SCAMP4: variants seen among roughly 807,000 people sequenced by gnomAD.
SCAMP4 encodes the protein secretory carrier membrane protein 4.
In SCAMP4, 19 loss-of-function variants were observed where a neutral mutation model predicts 32.1. The ratio of observed to expected loss-of-function variants is 0.59; its 90% CI spans 0.41 to 0.87. The LOEUF (loss-of-function observed/expected upper bound fraction) is 0.87. Among genes scored for constraint, SCAMP4 ranks in the 40% least tolerant of loss-of-function variants. The pLI, the probability that SCAMP4 is intolerant of heterozygous loss-of-function variation, is 0.00. For synonymous variants in SCAMP4, 152 were observed against 132.7 expected (o/e 1.15, Z -1.00); for missense variants, 302 against 309.0 (o/e 0.98, Z 0.17).
chr19:1,917,398 C>G (rs1270111565), intron 2 of SCAMP4, among the ~76,000 whole-genome samples: 1 of 152,230 alleles, frequency 6.6e-6, no homozygotes, highest in Non-Finnish European at 1.5e-5. Context: ...AGCTGTAGGC[C>G]GGTTCCCGCC....
intron 5 of SCAMP4, 127 bp from the exon 6 acceptor site, chr19:1,922,943 C>T (rs2013966107): frequency 7.4e-7 from 1 of 1,352,114 alleles, no homozygotes; most frequent in South Asian, 1.9e-5. Flanking sequence ...ACTTGGTCGT[C>T]CTTGTATGAG....
intron 1 of SCAMP4, among the ~76,000 whole-genome samples, chr19:1,909,478 C>T (rs1268053943): frequency 6.6e-6 from 1 of 152,138 alleles, no homozygotes; most frequent in African/African-American, 2.4e-5. Context: ...ATGGTAATGG[C>T]TCTACTATCT....
chr19:1,907,698 C>T (rs116437258), intron 1 of SCAMP4, among the ~76,000 whole-genome samples: 1,586 of 152,232 alleles, frequency 0.01, 36 homozygotes, highest in African/African-American at 0.036. Context: ...CCCAGGCTGG[C>T]GGCCGTGTTC....
chr19:1,920,712 C>T (rs2013891994), intron 5 of SCAMP4: 42 of 985,412 alleles, frequency 4.3e-5, no homozygotes, highest in Non-Finnish European at 5.1e-5. Context: ...TCCCAGCTGC[C>T]AGCTCGGCTC....
rs756570691 is a variant in SCAMP4 at position 1,924,405 on chromosome 19, G to T, written c.*121G>T. On this transcript the variant is annotated 3_prime_UTR_variant, in exon 7 of 7. Transcript: ENST00000316097. ...CCCCCCAGCTGGGATGGTGGAAGCC[G>T]GTGGTGGCCACGGACCGCCCCCCTC... The T allele has an allele frequency of 1.6e-4, 141 of 868,476 alleles. No individual in the cohort carries two copies. The highest frequency in any genetic ancestry group is 2.2e-4 in the Non-Finnish European group (124 of 565,204). 53.8% of individuals were successfully genotyped at this position (868,476 alleles called of 1,614,324 possible).
In SCAMP4 at chr19:1,922,410, T is replaced by C. The variant is rs1288111440; in HGVS notation, c.396-660T>C. On this transcript the variant is annotated intron_variant, in intron 5 of 6. Transcript: ENST00000316097. ...CCCTCATGCCTGGCTAATTTTTGTATTTTTAGTAGAGACGGGGTTTCACCT... is the reference window on the plus strand; with the variant it reads ...CCCTCATGCCTGGCTAATTTTTGTACTTTTAGTAGAGACGGGGTTTCACCT... The C allele has an allele frequency of 4.3e-6, 3 of 692,570 alleles. No homozygotes were observed. The African/African-American group carries it at 5.8e-5, about 13-fold the overall frequency. 42.9% of individuals were successfully genotyped at this position (692,570 alleles called of 1,614,324 possible). A position where few individuals can be genotyped will look rare whatever the true frequency, so the allele number is the denominator to read the frequency against.
chr19:1,924,412 GC>G lies in SCAMP4; in HGVS notation c.*130del. 1 of 751,454 alleles carries G rather than the reference GC, an allele frequency of 1.3e-6. No homozygotes were observed. Among genetic ancestry groups the G allele is most frequent in the Non-Finnish European group, 2.2e-6 (1 of 460,582 alleles). 46.5% of individuals were successfully genotyped at this position (751,454 alleles called of 1,614,324 possible). On this transcript the variant is annotated 3_prime_UTR_variant, in exon 7 of 7. Transcript: ENST00000316097. The stretch of plus-strand genomic sequence containing the variant: ...GCTGGGATGGTGGAAGCCGGTGGTG[GC>G]CACGGACCGCCCCCCTCCTGCCAGG...
intron 2 of SCAMP4, chr19:1,915,373 G>C (rs2396361): frequency 5.1e-6 from 2 of 390,828 alleles, no homozygotes; most frequent in Non-Finnish European, 9.5e-6. Flanking sequence ...TCCCCAGTGG[G>C]GCGTAAGCCC....
At chr19:1,915,250 C>G (rs1184727196) in intron 2 of SCAMP4, among the ~76,000 whole-genome samples, 3 of 152,202 alleles carry the variant, frequency 2.0e-5, no homozygotes, top group African/African-American at 2.4e-5. Flanking sequence ...CCTCACTGAC[C>G]CGAAGCACAG....
intron 2 of SCAMP4, 61 bp downstream of exon 2, chr19:1,915,087 C>G: frequency 6.2e-7 from 1 of 1,601,830 alleles, no homozygotes; most frequent in Non-Finnish European, 8.5e-7. Flanking sequence ...GCCAGCAGTT[C>G]CCACAGGAGC....
chr19:1,922,820 G>A (rs751715782), intron 5 of SCAMP4: 199 of 1,193,972 alleles, frequency 1.7e-4, no homozygotes, highest in Non-Finnish European at 1.9e-4. Flanking sequence ...GTGTTCACGC[G>A]TCGAAGTTTG....
chr19:1,912,628 A>AGCGGGCGGTGTGG, intron 1 of SCAMP4: 1 of 1,450,616 alleles, frequency 6.9e-7, no homozygotes, highest in Non-Finnish European at 9.0e-7. Context: ...AGCCACATGG[A>AGCGGGCGGTGTGG]GCGGGCGGTG....
intron 1 of SCAMP4, chr19:1,912,450 G>A (rs1384017053): frequency 1.3e-6 from 2 of 1,506,644 alleles, no homozygotes; most frequent in Non-Finnish European, 1.8e-6. Context: ...GGACCCCCGC[G>A]GCCTGGGGCA....
chr19:1,909,115 A>G lies in SCAMP4; in HGVS notation c.-42+3676A>G, dbSNP rs527689571. 7.0e-4 allele frequency among the ~76,000 whole-genome samples: 103 copies of G among 147,310 alleles called. 1 individual carries two copies. Among genetic ancestry groups the G allele is most frequent in the African/African-American group, 2.5e-3 (99 of 39,912 alleles). On this transcript the variant is annotated intron_variant, in intron 1 of 6. Coordinates refer to ENST00000316097, the MANE Select transcript of SCAMP4 (RefSeq NM_079834.4). The stretch of plus-strand genomic sequence containing the variant: ...GTGAGACTCTGTCTGAAAAAAAAAA[A>G]AATGTGGGCTGGGCATGGTGGCTTA...
chr19:1,913,672 G>A (rs1195472163), intron 1 of SCAMP4, among the ~76,000 whole-genome samples: 1 of 152,186 alleles, frequency 6.6e-6, no homozygotes, highest in Non-Finnish European at 1.5e-5. Context: ...TGGACACTAG[G>A]CGTAGTCCAC....
intron 1 of SCAMP4, 123 bp downstream of exon 1, chr19:1,905,562 G>A (rs2013058764): frequency 3.4e-6 from 1 of 292,764 alleles, no homozygotes; most frequent in South Asian, 2.4e-5. Flanking sequence ...AGAAAACGGG[G>A]GGCCCAGGCC....
At chr19:1,920,772 G>A (rs977135314) in intron 5 of SCAMP4, 14 of 985,380 alleles carry the variant, frequency 1.4e-5, no homozygotes, top group African/African-American at 1.7e-5. Context: ...CGCCTCCCCG[G>A]TGCGTCCCCA....
At chr19:1,909,541 GT>G (rs1324787763) in intron 1 of SCAMP4, among the ~76,000 whole-genome samples, 4 of 152,070 alleles carry the variant, frequency 2.6e-5, no homozygotes, top group African/African-American at 4.8e-5. Context: ...ACTGCCTCCC[GT>G]CCTCACCTGT....
chr19:1,921,955 G>T, intron 5 of SCAMP4: 1 of 985,496 alleles, frequency 1.0e-6, no homozygotes, highest in Non-Finnish European at 1.2e-6. Context: ...TGCATATCAC[G>T]CCCCGTGCAT....
Sources: gnomAD v4.1 joint callset for allele counts (sites outside exome capture counted in the v4.1 genomes callset) on GRCh38, gnomAD v4.1.1 for gene constraint, MANE v1.5 for transcripts, NCBI Gene and HGNC (gene_info 2026-07-23, HGNC 2026-07-21) for gene names.